PSEN2: variants seen among roughly 807,000 people sequenced by gnomAD.
PSEN2 encodes presenilin-2.
Under a neutral mutation model 49.1 loss-of-function variants are expected in PSEN2, and 32 were observed. That is an observed-to-expected ratio of 0.65 (90% CI 0.49 to 0.88). The LOEUF (loss-of-function observed/expected upper bound fraction) is 0.88, where lower values mean the gene tolerates loss of function less well. Ranked by LOEUF, PSEN2 falls within the 40% of genes least tolerant of loss-of-function variation. The probability of loss-of-function intolerance (pLI) is 0.00; values close to 1 mark genes in which losing one functional copy is unlikely to be tolerated. For synonymous variants in PSEN2, 255 were observed against 244.0 expected (o/e 1.05, Z -0.42); for missense variants, 522 against 586.9 (o/e 0.89, Z 1.14).
At chr1:226,897,793 C>G (rs1017336838), downstream of PSEN2, 3 of 155,466 alleles carry the variant, frequency 1.9e-5, no homozygotes, top group Non-Finnish European at 4.4e-5. Flanking sequence ...GCCTCCGCCT[C>G]CTGTCCTGAA....
intron 2 of PSEN2, among the ~76,000 whole-genome samples, chr1:226,871,932 A>G (rs956837644): frequency 1.3e-5 from 2 of 152,384 alleles, no homozygotes; most frequent in East Asian, 1.9e-4. Flanking sequence ...CTTGGGTTCC[A>G]GGGCAGAGAC....
At chr1:226,897,424 A>G (rs559281954), downstream of PSEN2, 107 of 154,210 alleles carry the variant, frequency 6.9e-4, no homozygotes, top group Middle Eastern at 2.6e-3. Context: ...GGAGGAAGAA[A>G]TGAAGGGGCC....
At chr1:226,887,540 C>T (rs1661440523) in intron 6 of PSEN2, among the ~76,000 whole-genome samples, 1 of 152,152 alleles carries the variant, frequency 6.6e-6, no homozygotes, top group Non-Finnish European at 1.5e-5. Flanking sequence ...TTCTGAGGAC[C>T]TGCTTGTAGA....
intron 3 of PSEN2, 75 bp from the exon 4 acceptor site, chr1:226,881,813 C>T (rs1661010408): frequency 1.3e-6 from 2 of 1,583,918 alleles, no homozygotes; most frequent in Non-Finnish European, 1.7e-6. Context: ...AGGTCGCCTC[C>T]AGCCACCCCC....
intron 3 of PSEN2, among the ~76,000 whole-genome samples, chr1:226,876,633 CTT>C (rs1257460811): frequency 6.6e-6 from 1 of 152,158 alleles, no homozygotes; most frequent in East Asian, 1.9e-4. Context: ...TATTTCCGAT[CTT>C]TTATATACAT....
At chr1:226,894,239 T>C (rs1392106332) in intron 12 of PSEN2, 114 bp downstream of exon 12, 7 of 743,610 alleles carry the variant, frequency 9.4e-6, no homozygotes, top group Non-Finnish European at 1.6e-5. Flanking sequence ...CTCTTCCCTC[T>C]GAGGGACAAG....
At chr1:226,891,400 G>T in intron 10 of PSEN2, 39 bp downstream of exon 10, 1 of 1,556,170 alleles carries the variant, frequency 6.4e-7, no homozygotes, top group African/African-American at 1.4e-5. Flanking sequence ...TCATCACTGG[G>T]GGGCAGCTCC....
rs549342652 is a variant in PSEN2, at chr1:226,889,149, T to C, written c.787+100T>C. On this transcript the variant is annotated intron_variant, in intron 8 of 12. Coordinates refer to ENST00000366783, the MANE Select transcript of PSEN2 (RefSeq NM_000447.3). Reference sequence around the variant, plus strand: ...GAGGGCAGGTGCTGAAGGGCTTGCATCCCTTTCTGCAGAGGCCTGGGTGGG... The same window carrying C: ...GAGGGCAGGTGCTGAAGGGCTTGCACCCCTTTCTGCAGAGGCCTGGGTGGG... The C allele has an allele frequency of 1.7e-5, 19 of 1,124,678 alleles. No individual in the cohort carries two copies. The African/African-American group carries it at 2.8e-4, about 16-fold the overall frequency. 69.7% of individuals were successfully genotyped at this position (1,124,678 alleles called of 1,614,324 possible).
At chr1:226,878,311 C>A (rs920007095) in intron 3 of PSEN2, among the ~76,000 whole-genome samples, 1 of 152,146 alleles carries the variant, frequency 6.6e-6, no homozygotes, top group Non-Finnish European at 1.5e-5. Context: ...AACTCCTGAC[C>A]TCAGGTGATC....
At position 226,878,730 on chromosome 1, in the gene PSEN2, C is replaced by T. The variant is rs184551016; in HGVS notation, c.-20-3158C>T. 1.9e-3 allele frequency among the ~76,000 whole-genome samples: 282 copies of T among 152,220 alleles called. 2 individuals are homozygous for T. The highest frequency in any genetic ancestry group is 2.8e-3 in the Non-Finnish European group (193 of 68,012). ...CATGGGAAGAACAGAGGGAGGAGAT[C>T]GTAGCTTCCCTGTTCATTCACACCC... On this transcript the variant is annotated intron_variant, in intron 3 of 12. Transcript: ENST00000366783.
intron 2 of PSEN2, among the ~76,000 whole-genome samples, chr1:226,873,784 A>G (rs11588886): frequency 0.19 from 29,310 of 152,184 alleles, 3,109 homozygotes; most frequent in South Asian, 0.27. Flanking sequence ...TATTAAAACA[A>G]TAGAGGGAGG....
chr1:226,875,130 G>A (rs2073488), intron 2 of PSEN2, among the ~76,000 whole-genome samples: 34,445 of 152,054 alleles, frequency 0.23, 4,114 homozygotes, highest in East Asian at 0.43. Flanking sequence ...CCTGTGGTCC[G>A]GGAGGGTGGT....
chr1:226,899,986 C>A (rs1445875895), downstream of PSEN2, among the ~76,000 whole-genome samples: 2 of 152,196 alleles, frequency 1.3e-5, no homozygotes, highest in Non-Finnish European at 2.9e-5. Flanking sequence ...GTCTTTATTT[C>A]AAGTGGCCAT....
downstream of PSEN2, among the ~76,000 whole-genome samples, chr1:226,901,222 G>A (rs1198629735): frequency 6.6e-6 from 1 of 152,092 alleles, no homozygotes; most frequent in Non-Finnish European, 1.5e-5. Context: ...GGTCACCTGA[G>A]GTCAGGAGTT....
At chr1:226,876,606 T>C (rs76766807) in intron 3 of PSEN2, among the ~76,000 whole-genome samples, 11,750 of 152,298 alleles carry the variant, frequency 0.077, 1,205 homozygotes, top group African/African-American at 0.24. Context: ...AAGATAATCA[T>C]CTTTAATGTT....
intron 9 of PSEN2, chr1:226,890,481 G>A: frequency 5.8e-6 from 2 of 343,146 alleles, no homozygotes; most frequent in Non-Finnish European, 1.1e-5. Context: ...TTCAGGGCAG[G>A]GGGTCGGGGA....
downstream of PSEN2, among the ~76,000 whole-genome samples, chr1:226,900,095 C>T (rs371366096): frequency 1.6e-3 from 249 of 152,174 alleles, no homozygotes; most frequent in South Asian, 4.8e-3. Flanking sequence ...AAAATGGGGT[C>T]GTGAGGGATC....
rs180909178 is a variant in PSEN2, at chr1:226,895,359, C to T, written c.1192-65C>T. The stretch of plus-strand genomic sequence containing the variant: ...AAGCTCCTGTGCCCAGGGACTAGAC[C>T]ATGACTCACAGCTCCTGTCCACACC... On this transcript the variant is annotated intron_variant, in intron 12 of 12. Coordinates refer to ENST00000366783, the MANE Select transcript of PSEN2 (RefSeq NM_000447.3). The T allele has an allele frequency of 1.7e-3, 2,674 of 1,591,322 alleles. 6 individuals carry two copies. The Middle Eastern group carries it at 0.021, about 13-fold the overall frequency.
chr1:226,881,825 G>GCCTT, intron 3 of PSEN2, 63 bp from the exon 4 acceptor site: 1 of 1,604,936 alleles, frequency 6.2e-7, no homozygotes, highest in Non-Finnish European at 8.5e-7. Context: ...GCCACCCCCT[G>GCCTT]AGTCCTCCAC....
Sources: gnomAD v4.1 joint callset for allele counts (sites outside exome capture counted in the v4.1 genomes callset) on GRCh38, gnomAD v4.1.1 for gene constraint, MANE v1.5 for transcripts, NCBI Gene and HGNC (gene_info 2026-07-23, HGNC 2026-07-21) for gene names.